CYP19A1: variants seen among roughly 807,000 people sequenced by gnomAD.
The protein encoded by CYP19A1 is cytochrome P450 family 19 subfamily A member 1, also known as aromatase.
In CYP19A1, 32 loss-of-function variants were observed where a neutral mutation model predicts 44.4. The ratio of observed to expected loss-of-function variants is 0.72; its 90% CI spans 0.54 to 0.97. CYP19A1 has a LOEUF of 0.97. Ranked by LOEUF, CYP19A1 falls within the 50% of genes least tolerant of loss-of-function variation. The pLI, the probability that CYP19A1 is intolerant of heterozygous loss-of-function variation, is 0.00. For missense variants in CYP19A1, 598 were observed against 637.8 expected, an observed-to-expected ratio of 0.94 and a Z score of 0.67; for synonymous variants, 212 against 215.6, an observed-to-expected ratio of 0.98 and a Z score of 0.14.
chr15:51,299,804 C>T (rs1332811866), intron 1 of CYP19A1, among the ~76,000 whole-genome samples: 1 of 152,204 alleles, frequency 6.6e-6, no homozygotes, highest in South Asian at 2.1e-4. Context: ...TAAACACCCT[C>T]ATTTTAGAGT....
At chr15:51,279,116 T>TGTGA (rs2035427943) in intron 1 of CYP19A1, 1 of 152,262 alleles carries the variant, frequency 6.6e-6, no homozygotes, top group African/African-American at 2.4e-5. Context: ...TCAAGGTCTC[T>TGTGA]GTGACTCTGT....
chr15:51,297,548 G>C (rs2036020215), intron 1 of CYP19A1, among the ~76,000 whole-genome samples: 1 of 149,024 alleles, frequency 6.7e-6, no homozygotes, highest in South Asian at 2.1e-4. Flanking sequence ...ATGACCCAGG[G>C]GTCAGTTCTA....
intron 1 of CYP19A1, among the ~76,000 whole-genome samples, chr15:51,327,639 C>A: frequency 6.6e-6 from 1 of 152,104 alleles, no homozygotes; most frequent in East Asian, 1.9e-4. Context: ...CCCTTGGGGC[C>A]AGGCTCAGCC....
chr15:51,328,399 C>A (rs576127133), intron 1 of CYP19A1, among the ~76,000 whole-genome samples: 25 of 152,204 alleles, frequency 1.6e-4, no homozygotes, highest in Admixed American at 4.6e-4. Flanking sequence ...CATCTGACAT[C>A]CCCCCCTACC....
At chr15:51,250,140 A>G (rs955556643) in intron 1 of CYP19A1, among the ~76,000 whole-genome samples, 1 of 151,724 alleles carries the variant, frequency 6.6e-6, no homozygotes, top group African/African-American at 2.4e-5. Flanking sequence ...CCAATGGGAG[A>G]CCTCAGCCCC....
intron 1 of CYP19A1, among the ~76,000 whole-genome samples, chr15:51,285,518 T>C (rs1383215413): frequency 6.6e-6 from 1 of 152,186 alleles, no homozygotes; most frequent in Non-Finnish European, 1.5e-5. Flanking sequence ...GGAAAAAAGC[T>C]GAGGCAGGGT....
At chr15:51,309,582 C>A (rs906591181) in intron 1 of CYP19A1, among the ~76,000 whole-genome samples, 3 of 152,256 alleles carry the variant, frequency 2.0e-5, no homozygotes, top group Admixed American at 6.5e-5. Flanking sequence ...GTTTAGTAGG[C>A]AAGAAGACTG....
intron 3 of CYP19A1, among the ~76,000 whole-genome samples, chr15:51,229,290 T>C (rs2032838551): frequency 6.6e-6 from 1 of 151,044 alleles, no homozygotes; most frequent in African/African-American, 2.4e-5. Flanking sequence ...CTTGGTGGGC[T>C]GAGGCAGTAG....
At chr15:51,211,816 C>T (rs1478928904) in intron 9 of CYP19A1, 1 of 307,042 alleles carries the variant, frequency 3.3e-6, no homozygotes, top group East Asian at 9.4e-5. Context: ...AACTGTCTCT[C>T]TTCTAATTAT....
intron 1 of CYP19A1, among the ~76,000 whole-genome samples, chr15:51,248,672 C>T (rs1377699282): frequency 6.6e-6 from 1 of 152,220 alleles, no homozygotes; most frequent in East Asian, 1.9e-4. Flanking sequence ...TCTTTCAGAA[C>T]TGTATTCCGC....
At chr15:51,211,934 G>A (rs1206377146) in intron 9 of CYP19A1, among the ~76,000 whole-genome samples, 1 of 149,202 alleles carries the variant, frequency 6.7e-6, no homozygotes, top group African/African-American at 2.6e-5. Context: ...ATCTGAAGCA[G>A]TAGTGGACTT....
chr15:51,237,839 T>G (rs1053092126), intron 2 of CYP19A1, among the ~76,000 whole-genome samples: 4 of 152,240 alleles, frequency 2.6e-5, no homozygotes, highest in Non-Finnish European at 4.4e-5. Flanking sequence ...TTTACTGGTG[T>G]TGGTAAAACG....
At chr15:51,270,470 TAAAA>T (rs2035082979) in intron 1 of CYP19A1, among the ~76,000 whole-genome samples, 1 of 152,144 alleles carries the variant, frequency 6.6e-6, no homozygotes. Context: ...CCCTTCACCC[TAAAA>T]ACAGCTTCTA....
intron 1 of CYP19A1, among the ~76,000 whole-genome samples, chr15:51,252,042 C>T (rs188507334): frequency 5.3e-5 from 8 of 152,312 alleles, no homozygotes; most frequent in East Asian, 1.9e-4. Flanking sequence ...TTTGCCCTGC[C>T]GCCTTCCTTG....
intron 1 of CYP19A1, among the ~76,000 whole-genome samples, chr15:51,249,632 G>T (rs2034223346): frequency 6.6e-6 from 1 of 152,156 alleles, no homozygotes; most frequent in South Asian, 2.1e-4. Flanking sequence ...CAAACTGAAG[G>T]TGCTGCTAGC....
At chr15:51,234,662 C>T (rs554841466) in intron 3 of CYP19A1, among the ~76,000 whole-genome samples, 1 of 152,262 alleles carries the variant, frequency 6.6e-6, no homozygotes, top group African/African-American at 2.4e-5. Flanking sequence ...ACCAGTCCTG[C>T]ATCGCTGCTT....
Position 51,212,638 on chromosome 15 carries a change from T to A in CYP19A1, c.1022-77A>T, listed in dbSNP as rs1273698227. The stretch of plus-strand genomic sequence containing the variant: ...GATTGGTATTAAAGCTTCTATTTTT[T>A]TCCACAGAACCGTTTGCTCTTGGTT... On this transcript the variant is annotated intron_variant, in intron 8 of 9. Transcript: ENST00000396402. 3.0e-6 allele frequency: 3 copies of A among 1,001,964 alleles called. No individual in the cohort carries two copies. The African/African-American group carries it at 4.8e-5, about 16-fold the overall frequency. 62.1% of individuals were successfully genotyped at this position (1,001,964 alleles called of 1,614,324 possible). A position where few individuals can be genotyped will look rare whatever the true frequency, so the allele number is the denominator to read the frequency against.
chr15:51,280,213 C>T lies in CYP19A1; in HGVS notation c.-38-37263G>A, dbSNP rs553198315. ...CTCGGCTCACTGCAACCTCTGCCTCCGCCTCCAGAGTAGCTGGGACTACAG... is the reference window on the plus strand; with the variant it reads ...CTCGGCTCACTGCAACCTCTGCCTCTGCCTCCAGAGTAGCTGGGACTACAG... On this transcript the variant is annotated intron_variant, in intron 1 of 9. Coordinates refer to ENST00000396402, the MANE Select transcript of CYP19A1 (RefSeq NM_000103.4). 3.6e-4 allele frequency among the ~76,000 whole-genome samples: 54 copies of T among 151,658 alleles called. No individual in the cohort carries two copies. In the South Asian group the frequency reaches 8.0e-3, roughly 22 times the overall value.
intron 2 of CYP19A1, among the ~76,000 whole-genome samples, chr15:51,237,447 C>T (rs1225765920): frequency 1.3e-5 from 2 of 152,222 alleles, no homozygotes; most frequent in African/African-American, 2.4e-5. Flanking sequence ...TTGAGTGCCC[C>T]GGTTGACACA....
Sources: allele counts gnomAD v4.1 joint callset (sites outside exome capture counted in the v4.1 genomes callset), GRCh38; gene constraint gnomAD v4.1.1; transcripts MANE v1.5; gene names NCBI Gene and HGNC (gene_info 2026-07-23, HGNC 2026-07-21).